GALNT9: variants seen among roughly 807,000 people sequenced by gnomAD.
GALNT9 encodes polypeptide N-acetylgalactosaminyltransferase 9, also known as GalNAc transferase 9.
Under a neutral mutation model 63.1 loss-of-function variants are expected in GALNT9, and 47 were observed. The ratio of observed to expected loss-of-function variants is 0.75; its 90% CI spans 0.59 to 0.95. GALNT9 has a LOEUF of 0.95. Among genes scored for constraint, GALNT9 ranks in the 40% least tolerant of loss-of-function variants. The pLI, the probability that GALNT9 is intolerant of heterozygous loss-of-function variation, is 0.00. For missense variants in GALNT9, 829 were observed against 874.8 expected (o/e 0.95, Z 0.66); for synonymous variants, 396 against 365.7 (o/e 1.08, Z -0.94).
At chr12:132,284,302 GCGCGCGCACGCA>G (rs1880500994) in intron 2 of GALNT9, 2 of 151,122 alleles carry the variant, frequency 1.3e-5, no homozygotes, top group Non-Finnish European at 2.9e-5. Flanking sequence ...CGCACACAAC[GCGCGCGCACGCA>G]CACACACACA....
In GALNT9 at chr12:132,252,517, A is replaced by AAATAAAGACAC. The variant is rs1200792607; in HGVS notation, c.960-4501_960-4491dup. 6.6e-6 allele frequency among the ~76,000 whole-genome samples: 1 copy of AAATAAAGACAC among 152,206 alleles called. No individual in the cohort carries two copies. Among genetic ancestry groups the AAATAAAGACAC allele is most frequent in the Non-Finnish European group, 1.5e-5 (1 of 68,042 alleles). ...GTGTGCAGAGACAAGAGATTGTCAG[A>AAATAAAGACAC]AATAAAGACACAAGACAAAGAGATA... On this transcript the variant is annotated intron_variant, in intron 5 of 10. Transcript: ENST00000328957. The surrounding 1 kb of genome is among the most constrained non-coding windows in gnomAD (Gnocchi z 5.2).
At position 132,246,027 on chromosome 12, in the gene GALNT9, A is replaced by G. The variant is rs1878696266; in HGVS notation, c.1077+1883T>C. On this transcript the variant is annotated intron_variant, in intron 6 of 10. Coordinates refer to ENST00000328957, the MANE Select transcript of GALNT9 (RefSeq NM_001122636.2). This position sits in a 1 kb window ranked among gnomAD's most constrained non-coding sequence, Gnocchi z 4.7. ...CTCTGCGGTGCGTTCCATCCCTCTG[A>G]GGGCCTCGGCTTTCTTAGGCCCCTG... 6.6e-6 allele frequency among the ~76,000 whole-genome samples: 1 copy of G among 152,036 alleles called. No homozygotes were observed. The highest frequency in any genetic ancestry group is 2.4e-5 in the African/African-American group (1 of 41,392).
At chr12:132,266,575 C>A (rs1177578942) in intron 2 of GALNT9, among the ~76,000 whole-genome samples, 1 of 152,226 alleles carries the variant, frequency 6.6e-6, no homozygotes, top group Non-Finnish European at 1.5e-5. Flanking sequence ...CCTGGAGCCC[C>A]AGAAGCTGGG....
intron 6 of GALNT9, among the ~76,000 whole-genome samples, chr12:132,231,130 G>A (rs1162086413): frequency 3.4e-5 from 3 of 87,102 alleles, no homozygotes; most frequent in African/African-American, 1.8e-4. Context: ...ACACTCCATG[G>A]GGCGACAGAG....
At chr12:132,240,823 C>T (rs1372442121) in intron 6 of GALNT9, 3 of 411,246 alleles carry the variant, frequency 7.3e-6, no homozygotes, top group African/African-American at 2.1e-5. Context: ...TTCCCAAGGC[C>T]GTCCCTATAC....
intron 1 of GALNT9, among the ~76,000 whole-genome samples, chr12:132,290,561 C>G (rs566491321): frequency 6.6e-6 from 1 of 151,724 alleles, no homozygotes; most frequent in East Asian, 1.9e-4. Flanking sequence ...GCACCCACGT[C>G]CACACCACCC....
At chr12:132,225,711 T>C in intron 6 of GALNT9, among the ~76,000 whole-genome samples, 1 of 102,630 alleles carries the variant, frequency 9.7e-6, no homozygotes, top group Non-Finnish European at 1.9e-5. Context: ...ACACTGTACG[T>C]ACACACCCCA....
intron 6 of GALNT9, among the ~76,000 whole-genome samples, chr12:132,229,778 G>A (rs36196275): frequency 0.19 from 28,690 of 152,154 alleles, 2,758 homozygotes; most frequent in Middle Eastern, 0.3. Flanking sequence ...CAGTTACGGG[G>A]TTCAGGGCAC....
intron 8 of GALNT9, 45 bp downstream of exon 8, chr12:132,201,079 C>A (rs759961128): frequency 5.0e-6 from 8 of 1,590,620 alleles, no homozygotes; most frequent in Non-Finnish European, 6.9e-6. Flanking sequence ...GGAGTCAGGG[C>A]AGAAAGCCTG....
intron 6 of GALNT9, among the ~76,000 whole-genome samples, chr12:132,224,821 T>C (rs1479037772): frequency 1.0e-4 from 8 of 77,304 alleles, no homozygotes; most frequent in African/African-American, 3.1e-4. Context: ...ATACACACCC[T>C]CCCACATACA....
At chr12:132,203,949 G>C (rs754546484) in intron 6 of GALNT9, among the ~76,000 whole-genome samples, 35 of 152,172 alleles carry the variant, frequency 2.3e-4, no homozygotes, top group Non-Finnish European at 4.9e-4. Context: ...GCTGTGGGGA[G>C]GGGGGTTTAT....
intron 6 of GALNT9, among the ~76,000 whole-genome samples, chr12:132,226,473 G>A (rs2135523793): frequency 7.7e-6 from 1 of 130,622 alleles, no homozygotes; most frequent in Admixed American, 7.8e-5. Flanking sequence ...CCCACACACT[G>A]TACACATGCA....
At chr12:132,257,379 G>A (rs1429554818) in intron 5 of GALNT9, among the ~76,000 whole-genome samples, 34 of 151,814 alleles carry the variant, frequency 2.2e-4, no homozygotes, top group African/African-American at 6.3e-4. Context: ...GACACTCACC[G>A]TGGTCTCTGC....
In GALNT9 at chr12:132,227,407, T is replaced by C. The variant is rs906968850; in HGVS notation, c.1077+20503A>G. On this transcript the variant is annotated intron_variant, in intron 6 of 10. Coordinates refer to ENST00000328957, the MANE Select transcript of GALNT9 (RefSeq NM_001122636.2). ...TGGCCGCAGCTCCCTCCGAAGCGTG[T>C]GCCTGTGAAAGCAACACCTCAGGCC... Among the ~76,000 whole-genome samples the C allele has an allele frequency of 8.5e-5, 13 of 152,238 alleles. No individual in the cohort carries two copies. The East Asian group carries it at 2.5e-3, about 29-fold the overall frequency.
chr12:132,222,768 C>A (rs1340824806), intron 6 of GALNT9, among the ~76,000 whole-genome samples: 1 of 151,758 alleles, frequency 6.6e-6, no homozygotes, highest in Non-Finnish European at 1.5e-5. Flanking sequence ...TTCTCATGAA[C>A]GACTGAGGAG....
chr12:132,222,906 C>CAA (rs1390726970), intron 6 of GALNT9, among the ~76,000 whole-genome samples: 970 of 94,884 alleles, frequency 0.01, 87 homozygotes, highest in African/African-American at 0.036. Flanking sequence ...GCACCCCACA[C>CAA]CCCACATACA....
At chr12:132,307,281 T>A (rs1352147174) in intron 1 of GALNT9, among the ~76,000 whole-genome samples, 1 of 152,104 alleles carries the variant, frequency 6.6e-6, no homozygotes, top group African/African-American at 2.4e-5. Flanking sequence ...ATGTCAGCAG[T>A]GGATTCACAT....
chr12:132,291,038 C>T lies in GALNT9; in HGVS notation c.239-4608G>A, dbSNP rs1334562337. 2.5e-5 allele frequency among the ~76,000 whole-genome samples: 2 copies of T among 81,540 alleles called. 1 individual carries two copies. The highest frequency in any genetic ancestry group is 5.1e-5 in the Non-Finnish European group (2 of 39,072). The allele number at this position is 81,540 out of a possible 152,430, so 53.5% of individuals were successfully genotyped here. A position where few individuals can be genotyped will look rare whatever the true frequency, so the allele number is the denominator to read the frequency against. On this transcript the variant is annotated intron_variant, in intron 1 of 10. Coordinates refer to ENST00000328957, the MANE Select transcript of GALNT9 (RefSeq NM_001122636.2). ...ACACCACCCACATCCACAGCGCCCA[C>T]GTCCACAGCGCCCACATCCTCAGCA...
At chr12:132,249,321 C>T (rs1304552993) in intron 5 of GALNT9, among the ~76,000 whole-genome samples, 4 of 152,190 alleles carry the variant, frequency 2.6e-5, no homozygotes, top group African/African-American at 9.7e-5. Flanking sequence ...CGTATCAACG[C>T]GTTCTTCCAT....
Sources: gnomAD v4.1 joint callset for allele counts (sites outside exome capture counted in the v4.1 genomes callset) on GRCh38, gnomAD v4.1.1 for gene constraint, Gnocchi (gnomAD v3.1) non-coding constraint, MANE v1.5 for transcripts, NCBI Gene and HGNC (gene_info 2026-07-23, HGNC 2026-07-21) for gene names.